The following POLI variants were observed in gnomAD, a reference collection of about 807,000 sequenced individuals.
POLI encodes the protein DNA polymerase iota.
A neutral mutation model predicts 51.6 loss-of-function variants in POLI; 58 were observed. The ratio of observed to expected loss-of-function variants is 1.12; its 90% CI spans 0.91 to 1.40. The LOEUF (loss-of-function observed/expected upper bound fraction) is 1.40. Ranked by LOEUF, POLI falls within the 40% of genes most tolerant of loss-of-function variation. POLI has a pLI of 0.00. For missense variants in POLI, 921 were observed against 871.3 expected (o/e 1.06, Z -0.72); for synonymous variants, 322 against 299.7 (o/e 1.07, Z -0.77).
At chr18:54,290,375 TTGG>T (rs1413574425) in intron 8 of POLI, among the ~76,000 whole-genome samples, 4 of 152,192 alleles carry the variant, frequency 2.6e-5, no homozygotes, top group African/African-American at 9.7e-5. Context: ...TTTTACACTG[TTGG>T]TGGGAGTGTA....
chr18:54,306,614 T>C (rs1014671653), intron 3 of POLI, among the ~76,000 whole-genome samples: 4 of 152,184 alleles, frequency 2.6e-5, no homozygotes, highest in African/African-American at 7.2e-5. Context: ...GGATTCTCTC[T>C]TTTTCTGTTA....
intron 2 of POLI, among the ~76,000 whole-genome samples, chr18:54,273,110 G>A (rs1159205303): frequency 6.6e-6 from 1 of 151,888 alleles, no homozygotes; most frequent in Non-Finnish European, 1.5e-5. Context: ...TAAAAAAAGA[G>A]CAAATAATTT....
chr18:54,310,808 T>C (rs1038262579), intron 3 of POLI, among the ~76,000 whole-genome samples: 1 of 152,166 alleles, frequency 6.6e-6, no homozygotes, highest in African/African-American at 2.4e-5. Flanking sequence ...AGAAGGAATT[T>C]AGTGTAGTGA....
chr18:54,279,539 G>A (rs2087405502), intron 4 of POLI, among the ~76,000 whole-genome samples: 1 of 151,904 alleles, frequency 6.6e-6, no homozygotes, highest in South Asian at 2.1e-4. Flanking sequence ...CACTACTCCT[G>A]GCCCATTATG....
At chr18:54,284,913 CT>C (rs1001986278) in intron 7 of POLI, among the ~76,000 whole-genome samples, 5 of 152,258 alleles carry the variant, frequency 3.3e-5, no homozygotes, top group African/African-American at 4.8e-5. Context: ...CGTCCCATTT[CT>C]TTGTTTCTCC....
chr18:54,313,511 A>G (rs1248061779), intron 3 of POLI, among the ~76,000 whole-genome samples: 1 of 152,158 alleles, frequency 6.6e-6, no homozygotes. Flanking sequence ...GTAGTTTGAT[A>G]GGAATATCAT....
At chr18:54,269,901 C>T (rs1255496918) in intron 1 of POLI, 4 of 1,239,112 alleles carry the variant, frequency 3.2e-6, no homozygotes, top group Admixed American at 8.6e-5. Context: ...GAGGGTTTAT[C>T]TGCGCCGTCC....
chr18:54,318,382 A>G (rs1466320663), intron 3 of POLI, among the ~76,000 whole-genome samples: 2 of 152,208 alleles, frequency 1.3e-5, no homozygotes, highest in African/African-American at 2.4e-5. Flanking sequence ...ATCTCAATAT[A>G]TGAAAGATAT....
intron 3 of POLI, among the ~76,000 whole-genome samples, chr18:54,316,312 C>A (rs665445): frequency 0.38 from 57,806 of 151,968 alleles, 14,002 homozygotes; most frequent in African/African-American, 0.69. Flanking sequence ...GTACTTTCAA[C>A]TATGGGTAAA....
At position 54,273,167 on chromosome 18, in the gene POLI, G is replaced by A. The variant is rs553276345; in HGVS notation, c.242-759G>A. Among the ~76,000 whole-genome samples the A allele has an allele frequency of 5.3e-5, 8 of 152,090 alleles. No homozygotes were observed. The South Asian group carries it at 1.2e-3, about 24-fold the overall frequency. ...TAAACTAGAATTTTTTATGCAGTCTGTAAATAAATGATCATAATTTAATCA... is the reference window on the plus strand; with the variant it reads ...TAAACTAGAATTTTTTATGCAGTCTATAAATAAATGATCATAATTTAATCA... On this transcript the variant is annotated intron_variant, in intron 2 of 9. Coordinates refer to ENST00000579534, the MANE Select transcript of POLI (RefSeq NM_007195.3).
intron 5 of POLI, 118 bp from the exon 6 acceptor site, chr18:54,282,719 G>T: frequency 1.6e-6 from 1 of 612,200 alleles, no homozygotes. Context: ...GGATAAGGGG[G>T]GACTACTGTA....
downstream of POLI, among the ~76,000 whole-genome samples, chr18:54,300,406 A>G (rs985381007): frequency 3.3e-5 from 5 of 152,130 alleles, no homozygotes; most frequent in Non-Finnish European, 7.4e-5. Flanking sequence ...ACAGACTGTG[A>G]TAAGTTAGAG....
intron 3 of POLI, among the ~76,000 whole-genome samples, chr18:54,309,116 T>G (rs545471934): frequency 1.3e-3 from 197 of 152,350 alleles, no homozygotes; most frequent in Non-Finnish European, 1.6e-3. Context: ...CCTCCAGCTT[T>G]GTTCCATTGC....
intron 7 of POLI, among the ~76,000 whole-genome samples, chr18:54,286,133 GGATTA>G (rs2087729893): frequency 6.6e-6 from 1 of 152,108 alleles, no homozygotes; most frequent in African/African-American, 2.4e-5. Flanking sequence ...CAAAGTGTTG[GGATTA>G]CAGGTACGAG....
chr18:54,309,160 G>A (rs889603796), intron 3 of POLI, among the ~76,000 whole-genome samples: 1 of 152,128 alleles, frequency 6.6e-6, no homozygotes, highest in African/African-American at 2.4e-5. Context: ...GAGGAGAAAG[G>A]GTGCTCTGGA....
intron 8 of POLI, among the ~76,000 whole-genome samples, chr18:54,289,878 G>C (rs1036199613): frequency 1.3e-5 from 2 of 152,108 alleles, no homozygotes; most frequent in Non-Finnish European, 2.9e-5. Flanking sequence ...AAAAACCCTA[G>C]AAGAAAACCT....
At chr18:54,319,936 A>G (rs1403377424) in intron 3 of POLI, among the ~76,000 whole-genome samples, 1 of 152,196 alleles carries the variant, frequency 6.6e-6, no homozygotes, top group Non-Finnish European at 1.5e-5. Flanking sequence ...TATGTATTTT[A>G]TTAAAATGTG....
Position 54,297,171 on chromosome 18 carries a change from A to G in POLI, c.*2704A>G, listed in dbSNP as rs2088373500. ...TTTTGTCTCTGCAGGTCAATTCCAA[A>G]CTAACAGGCAGATGCTGTTAGCTAT... On this transcript the variant is annotated 3_prime_UTR_variant, in exon 10 of 10. Coordinates refer to ENST00000579534, the MANE Select transcript of POLI (RefSeq NM_007195.3). The G allele has an allele frequency of 1.0e-6, 1 of 985,302 alleles. No homozygotes were observed. The highest frequency in any genetic ancestry group is 1.7e-5 in the African/African-American group (1 of 57,306). The allele number at this position is 985,302 out of a possible 1,614,324, so 61.0% of individuals were successfully genotyped here. A position where few individuals can be genotyped will look rare whatever the true frequency, so the allele number is the denominator to read the frequency against.
intron 3 of POLI, among the ~76,000 whole-genome samples, chr18:54,306,504 A>G (rs1040005020): frequency 1.3e-5 from 2 of 151,650 alleles, no homozygotes; most frequent in Non-Finnish European, 2.9e-5. Flanking sequence ...TTTTGCATCA[A>G]TGTTCATCAG....
Sources: allele counts gnomAD v4.1 joint callset (sites outside exome capture counted in the v4.1 genomes callset), GRCh38; gene constraint gnomAD v4.1.1; transcripts MANE v1.5; gene names NCBI Gene and HGNC (gene_info 2026-07-23, HGNC 2026-07-21).